B4GALT5: variants seen among roughly 807,000 people sequenced by gnomAD.
B4GALT5 encodes beta-1,4-galactosyltransferase 5, also known as UDP-Gal:beta-GlcNAc beta-1,4-galactosyltransferase 5.
Under a neutral mutation model 45.0 loss-of-function variants are expected in B4GALT5, and 11 were observed. That is an observed-to-expected ratio of 0.24 (90% confidence interval 0.15 to 0.40). B4GALT5 has a LOEUF of 0.40. B4GALT5 is among the 10% of genes least tolerant of loss of function. B4GALT5 has a pLI of 1.00. For synonymous variants in B4GALT5, 185 were observed against 182.9 expected, an observed-to-expected ratio of 1.01 and a Z score of -0.09; for missense variants, 337 against 500.2, an observed-to-expected ratio of 0.67 and a Z score of 3.11.
Position 49,634,532 on chromosome 20 carries a change from AAAC to A in B4GALT5, c.*1777_*1779del, listed in dbSNP as rs1984462533. 1 of 152,202 alleles carries A rather than the reference AAAC, an allele frequency of 6.6e-6. No homozygotes were observed. The highest frequency in any genetic ancestry group is 2.4e-5 in the African/African-American group (1 of 41,446). 9.4% of individuals were successfully genotyped at this position (152,202 alleles called of 1,614,324 possible). On this transcript the variant is annotated 3_prime_UTR_variant, in exon 9 of 9. Coordinates refer to ENST00000371711, the MANE Select transcript of B4GALT5 (RefSeq NM_004776.4). ...AATTTGAGGGCTTTGGTTTGGGGAAAAACAAAGAGGCACAAATTCAAATACAAT... is the reference window on the plus strand; with the variant it reads ...AATTTGAGGGCTTTGGTTTGGGGAAAAAAGAGGCACAAATTCAAATACAAT...
chr20:49,639,535 AT>A (rs1404250197), intron 7 of B4GALT5, 142 bp downstream of exon 7: 12 of 1,307,710 alleles, frequency 9.2e-6, no homozygotes, highest in Middle Eastern at 2.2e-4. Context: ...GGTCAATTTC[AT>A]TTTTTTCCTT....
chr20:49,704,069 T>C (rs2085874174), intron 1 of B4GALT5, among the ~76,000 whole-genome samples: 1 of 152,204 alleles, frequency 6.6e-6, no homozygotes, highest in Admixed American at 6.5e-5. Flanking sequence ...ACACAGTATT[T>C]AGGAAAACAC....
chr20:49,669,985 C>T (rs1333569109), intron 1 of B4GALT5, among the ~76,000 whole-genome samples: 1 of 152,198 alleles, frequency 6.6e-6, no homozygotes, highest in Non-Finnish European at 1.5e-5. Context: ...CTATTCTATG[C>T]ACAAAGTTTT....
intron 1 of B4GALT5, among the ~76,000 whole-genome samples, chr20:49,706,759 T>G (rs34510474): frequency 0.021 from 3,246 of 152,280 alleles, 41 homozygotes; most frequent in Non-Finnish European, 0.035. Flanking sequence ...TCTTAGCCAG[T>G]GGTAACCTCC....
chr20:49,702,028 G>A (rs1368004397), intron 1 of B4GALT5, among the ~76,000 whole-genome samples: 1 of 152,182 alleles, frequency 6.6e-6, no homozygotes, highest in African/African-American at 2.4e-5. Context: ...TCATGCCATT[G>A]CACTACAGCC....
chr20:49,697,523 C>G (rs541786208), intron 1 of B4GALT5, among the ~76,000 whole-genome samples: 157 of 152,036 alleles, frequency 1.0e-3, no homozygotes, highest in African/African-American at 3.5e-3. Flanking sequence ...CCGCCCATCT[C>G]TATTCCAGTG....
intron 1 of B4GALT5, among the ~76,000 whole-genome samples, chr20:49,657,045 T>C (rs2085646522): frequency 6.6e-6 from 1 of 152,192 alleles, no homozygotes; most frequent in Admixed American, 6.5e-5. Context: ...TAAAACTTTT[T>C]TTTTTTAAAG....
At chr20:49,651,028 G>A (rs1256157295) in intron 2 of B4GALT5, among the ~76,000 whole-genome samples, 1 of 152,178 alleles carries the variant, frequency 6.6e-6, no homozygotes, top group Non-Finnish European at 1.5e-5. Flanking sequence ...CGGGCGCGGT[G>A]ATCTCTGCAT....
In B4GALT5 at chr20:49,635,800, T is replaced by TC; in HGVS notation, c.*511_*512insG. The TC allele has an allele frequency of 6.5e-6, 1 of 152,766 alleles. No homozygotes were observed. Among genetic ancestry groups the TC allele is most frequent in the East Asian group, 1.9e-4 (1 of 5,190 alleles). The allele number at this position is 152,766 out of a possible 1,614,324, so 9.5% of individuals were successfully genotyped here. On this transcript the variant is annotated 3_prime_UTR_variant, in exon 9 of 9. Transcript: ENST00000371711. The stretch of plus-strand genomic sequence containing the variant: ...ATCCCCACCCAAAGAAGGTAATTTT[T>TC]TAAAAAAATGAAACCAAAGAGAACA...
Position 49,642,497 on chromosome 20 carries a change from A to C in B4GALT5, c.577T>G (p.Leu193Val). 2 of 1,613,714 alleles carry C rather than the reference A, an allele frequency of 1.2e-6. No homozygotes were observed. The highest frequency in any genetic ancestry group is 1.7e-6 in the Non-Finnish European group (2 of 1,179,832). The change falls in exon 5 of 9, where the codon TTG becomes GTG. Residue 193 changes from leucine to valine, a missense_variant. Physicochemically the swap from Leu to Val is conservative, Grantham distance 32. This residue lies in a region of B4GALT5 where 163 missense variants were observed against 292.8 expected (regional missense o/e 0.56). Transcript: ENST00000371711. ...HLLPMLQRQR[L>V]QFAFYVVEQV... is the part of the protein sequence containing the mutation. ...TCAACCACATAAAATGCAAACTGCAAGCGCTGGCGCTGGAGCATGGGAAGC... is the reference window on the plus strand; with the variant it reads ...TCAACCACATAAAATGCAAACTGCACGCGCTGGCGCTGGAGCATGGGAAGC...
chr20:49,663,723 A>G, intron 1 of B4GALT5, among the ~76,000 whole-genome samples: 1 of 140,528 alleles, frequency 7.1e-6, no homozygotes, highest in East Asian at 2.1e-4. Flanking sequence ...ATATATATAT[A>G]TATATGAAAA....
intron 1 of B4GALT5, among the ~76,000 whole-genome samples, chr20:49,690,128 C>T (rs775339200): frequency 6.9e-6 from 1 of 145,100 alleles, no homozygotes; most frequent in Non-Finnish European, 1.5e-5. Context: ...CTCAATCTCC[C>T]AAGTAGCTGG....
Position 49,632,984 on chromosome 20 carries a change from T to C in B4GALT5, c.*3328A>G, listed in dbSNP as rs1411416363. On this transcript the variant is annotated 3_prime_UTR_variant, in exon 9 of 9. Transcript: ENST00000371711. ...ATGTATTTTTTACTGAAAAAATCAT[T>C]CATAAATTAACATACAAAAATGTAC... 1 of 152,632 alleles carries C rather than the reference T, an allele frequency of 6.6e-6. No individual in the cohort carries two copies. Among genetic ancestry groups the C allele is most frequent in the Non-Finnish European group, 1.5e-5 (1 of 68,054 alleles). 9.5% of individuals were successfully genotyped at this position (152,632 alleles called of 1,614,324 possible).
chr20:49,664,421 TACACACACACACACACACAC>T (rs55990435), intron 1 of B4GALT5, among the ~76,000 whole-genome samples: 43 of 128,912 alleles, frequency 3.3e-4, no homozygotes, highest in African/African-American at 1.1e-3. Context: ...GGTCTCCAAA[TACACACACACACACACACAC>T]ACACACACAC....
chr20:49,638,817 TC>T (rs2085564376), intron 7 of B4GALT5, among the ~76,000 whole-genome samples: 1 of 152,096 alleles, frequency 6.6e-6, no homozygotes. Context: ...TATATCACAC[TC>T]TAAATAGTGG....
chr20:49,694,345 C>T (rs1297534493), intron 1 of B4GALT5, among the ~76,000 whole-genome samples: 1 of 152,046 alleles, frequency 6.6e-6, no homozygotes, highest in Non-Finnish European at 1.5e-5. Flanking sequence ...GTAACTTCCT[C>T]TTCCTAAATC....
At chr20:49,658,746 ACTGATGCATCTGGT>A (rs951307109) in intron 1 of B4GALT5, among the ~76,000 whole-genome samples, 1 of 152,100 alleles carries the variant, frequency 6.6e-6, no homozygotes, top group African/African-American at 2.4e-5. Flanking sequence ...CACTACCCAG[ACTGATGCATCTGGT>A]CTGAGTGGGG....
chr20:49,643,922 CTTTTTTTT>C (rs138727530), intron 3 of B4GALT5, among the ~76,000 whole-genome samples: 1 of 52,184 alleles, frequency 1.9e-5, no homozygotes, highest in East Asian at 6.8e-4. Flanking sequence ...AGTAGCTGAG[CTTTTTTTT>C]TTTTTTTTTT....
intron 1 of B4GALT5, among the ~76,000 whole-genome samples, chr20:49,689,747 C>T (rs560128317): frequency 1.3e-5 from 2 of 152,054 alleles, no homozygotes; most frequent in Non-Finnish European, 2.9e-5. Flanking sequence ...TGTGCATTTG[C>T]GGAGTTTGAC....
Sources: allele counts gnomAD v4.1 joint callset (sites outside exome capture counted in the v4.1 genomes callset), GRCh38; gene constraint gnomAD v4.1.1; regional missense constraint gnomAD v4.1.1; transcripts MANE v1.5; gene names NCBI Gene and HGNC (gene_info 2026-07-23, HGNC 2026-07-21).